DNAJC3: variants seen among roughly 807,000 people sequenced by gnomAD.
DNAJC3 encodes dnaJ homolog subfamily C member 3.
In DNAJC3, 38 loss-of-function variants were observed where a neutral mutation model predicts 68.6. That is an observed-to-expected ratio of 0.55 (90% CI 0.43 to 0.73). The LOEUF (loss-of-function observed/expected upper bound fraction) is 0.73, where lower values mean the gene tolerates loss of function less well. DNAJC3 is among the 30% of genes least tolerant of loss of function. The pLI, the probability that DNAJC3 is intolerant of heterozygous loss-of-function variation, is 0.00. For synonymous variants in DNAJC3, 203 were observed against 204.0 expected (o/e 1.00, Z 0.04); for missense variants, 526 against 591.9 (o/e 0.89, Z 1.16).
At chr13:95,759,293 T>C (rs1882753140) in intron 5 of DNAJC3, among the ~76,000 whole-genome samples, 1 of 152,198 alleles carries the variant, frequency 6.6e-6, no homozygotes, top group South Asian at 2.1e-4. Context: ...GCGGTGACAT[T>C]TACAGAAGAT....
At chr13:95,695,287 A>G (rs1329810225) in intron 1 of DNAJC3, 1 of 152,116 alleles carries the variant, frequency 6.6e-6, no homozygotes, top group East Asian at 1.9e-4. Context: ...CCTCCTTCTA[A>G]TAACTCTAGT....
At position 95,734,899 on chromosome 13, in the gene DNAJC3, A is replaced by G. The variant is rs181373277; in HGVS notation, c.393+9647A>G. Among the ~76,000 whole-genome samples the G allele has an allele frequency of 7.3e-3, 1,083 of 148,012 alleles. 24 individuals are homozygous for G. The highest frequency in any genetic ancestry group is 0.026 in the African/African-American group (1,037 of 39,666). On this transcript the variant is annotated intron_variant, in intron 4 of 11. Transcript: ENST00000602402. Reference sequence around the variant, plus strand: ...TTAGTTACATATGTATACATGTGCCATGCTGGTGCGCTGCACCCACTAACT... The same window carrying G: ...TTAGTTACATATGTATACATGTGCCGTGCTGGTGCGCTGCACCCACTAACT...
intron 1 of DNAJC3, among the ~76,000 whole-genome samples, chr13:95,704,382 C>T (rs950808737): frequency 1.3e-5 from 2 of 152,188 alleles, no homozygotes; most frequent in Admixed American, 6.5e-5. Context: ...TAATAAACTG[C>T]AGCTTGTAAA....
At chr13:95,695,495 G>A (rs930663984) in intron 1 of DNAJC3, 2 of 152,136 alleles carry the variant, frequency 1.3e-5, no homozygotes, top group African/African-American at 4.8e-5. Flanking sequence ...TACTACATAC[G>A]TTCAAACAAC....
chr13:95,739,827 C>T (rs985022715), intron 4 of DNAJC3, among the ~76,000 whole-genome samples: 3 of 152,206 alleles, frequency 2.0e-5, no homozygotes, highest in Non-Finnish European at 4.4e-5. Context: ...AAGTCATTCT[C>T]CATCCAGCTT....
intron 4 of DNAJC3, among the ~76,000 whole-genome samples, chr13:95,737,799 G>C (rs1326551897): frequency 1.4e-5 from 2 of 142,222 alleles, no homozygotes; most frequent in African/African-American, 5.4e-5. Flanking sequence ...ATTTTTTGAA[G>C]GGTTTTTTGT....
chr13:95,690,434 C>T (rs1380411794), intron 1 of DNAJC3, among the ~76,000 whole-genome samples: 1 of 151,788 alleles, frequency 6.6e-6, no homozygotes, highest in African/African-American at 2.4e-5. Context: ...TTTTCCCCAC[C>T]TTTCCCCCCT....
intron 1 of DNAJC3, 51 bp downstream of exon 1, chr13:95,677,388 C>G: frequency 4.6e-6 from 7 of 1,517,926 alleles, no homozygotes; most frequent in African/African-American, 1.4e-5. Context: ...ACCAGGCCCC[C>G]CGCGCTTTCC....
intron 9 of DNAJC3, among the ~76,000 whole-genome samples, chr13:95,784,910 G>C (rs1194180116): frequency 6.6e-6 from 1 of 152,096 alleles, no homozygotes; most frequent in African/African-American, 2.4e-5. Context: ...GGGAGGTCGA[G>C]GATGCAGTCA....
intron 4 of DNAJC3, among the ~76,000 whole-genome samples, chr13:95,740,820 C>T (rs570206249): frequency 6.6e-6 from 1 of 152,328 alleles, no homozygotes; most frequent in East Asian, 1.9e-4. Flanking sequence ...TCCTATTCGG[C>T]CATCTTGGCT....
At chr13:95,708,075 G>T (rs2139623811) in intron 1 of DNAJC3, among the ~76,000 whole-genome samples, 1 of 152,278 alleles carries the variant, frequency 6.6e-6, no homozygotes, top group Non-Finnish European at 1.5e-5. Flanking sequence ...ACCCCTGGAT[G>T]TCCTCCTCAT....
chr13:95,779,375 C>T (rs776913145), intron 9 of DNAJC3, among the ~76,000 whole-genome samples: 2 of 152,166 alleles, frequency 1.3e-5, no homozygotes, highest in Non-Finnish European at 2.9e-5. Flanking sequence ...CTGCCCACTG[C>T]GGCCTCCCAA....
chr13:95,789,667 A>G (rs997989669), intron 11 of DNAJC3, among the ~76,000 whole-genome samples: 8 of 152,204 alleles, frequency 5.3e-5, no homozygotes, highest in Non-Finnish European at 1.0e-4. Flanking sequence ...TTGGGTGTAT[A>G]CCCAGTAATG....
chr13:95,783,332 C>T (rs925559999), intron 9 of DNAJC3, among the ~76,000 whole-genome samples: 3 of 152,068 alleles, frequency 2.0e-5, no homozygotes, highest in Admixed American at 6.5e-5. Flanking sequence ...AATACAAATA[C>T]GATACAAAAG....
Position 95,725,236 on chromosome 13 carries a change from A to G in DNAJC3, c.377A>G (p.Asp126Gly). 6.3e-7 allele frequency: 1 copy of G among 1,595,670 alleles called. No individual in the cohort carries two copies. Among genetic ancestry groups the G allele is most frequent in the Middle Eastern group, 1.7e-4 (1 of 5,974 alleles). The change falls in exon 4 of 12, where the codon GAT (aspartate) becomes GGT (glycine). Residue 126 changes from aspartate (D) to glycine (G), a missense_variant. Asp to Gly is a moderately conservative substitution (Grantham distance 94). Coordinates refer to ENST00000602402, the MANE Select transcript of DNAJC3 (RefSeq NM_006260.5). Reference sequence around the variant, plus strand: ...CAAGGAAAACTTGATGAAGCAGAAGATGATTTTAAAAAAGTGGTAAGTTCA... The same window carrying G: ...CAAGGAAAACTTGATGAAGCAGAAGGTGATTTTAAAAAAGTGGTAAGTTCA... Reference protein sequence around the residue: ...LKQGKLDEAEDDFKKVLKSNP... With the variant: ...LKQGKLDEAEGDFKKVLKSNP...
At chr13:95,702,416 C>G (rs1372101352) in intron 1 of DNAJC3, among the ~76,000 whole-genome samples, 1 of 152,220 alleles carries the variant, frequency 6.6e-6, no homozygotes, top group African/African-American at 2.4e-5. Flanking sequence ...ACCAGTACAA[C>G]AAAGCAACTT....
At chr13:95,730,344 T>C (rs1881671858) in intron 4 of DNAJC3, among the ~76,000 whole-genome samples, 1 of 152,202 alleles carries the variant, frequency 6.6e-6, no homozygotes, top group African/African-American at 2.4e-5. Context: ...TTGTTTTTCT[T>C]GCTTGTGCTT....
rs1882774921 is a variant in DNAJC3, at chr13:95,760,082, T to C, written c.589T>C (p.Cys197Arg). The change falls in exon 6 of 12, where the codon TGT becomes CGT. Residue 197 changes from cysteine (C) to arginine (R), a missense_variant. Coordinates refer to ENST00000602402, the MANE Select transcript of DNAJC3 (RefSeq NM_006260.5). ...AGAACTACGGGAACTTCGAGCTGAA[T>C]GTTTTATAAAAGAAGGAGAACCTAG... Reference protein sequence around the residue: ...DAELRELRAECFIKEGEPRKA... With the variant: ...DAELRELRAERFIKEGEPRKA... 2 of 1,609,950 alleles carry C rather than the reference T, an allele frequency of 1.2e-6. No individual in the cohort carries two copies. The highest frequency in any genetic ancestry group is 1.7e-6 in the Non-Finnish European group (2 of 1,177,854).
chr13:95,679,827 TA>T (rs552840561), intron 1 of DNAJC3, among the ~76,000 whole-genome samples: 30 of 152,250 alleles, frequency 2.0e-4, no homozygotes, highest in Admixed American at 3.3e-4. Flanking sequence ...AATTCACTTT[TA>T]AAAAAAGAAA....
Sources: gnomAD v4.1 joint callset for allele counts (sites outside exome capture counted in the v4.1 genomes callset) on GRCh38, gnomAD v4.1.1 for gene constraint, MANE v1.5 for transcripts, NCBI Gene and HGNC (gene_info 2026-07-23, HGNC 2026-07-21) for gene names.